CCDC171: variants seen among roughly 807,000 people sequenced by gnomAD.
CCDC171 encodes the protein coiled-coil domain containing 171.
CCDC171 carries 177 observed loss-of-function variants against 168.2 expected under a neutral mutation model. The ratio of observed to expected loss-of-function variants is 1.05; its 90% CI spans 0.93 to 1.19. The LOEUF (loss-of-function observed/expected upper bound fraction) is 1.19, where lower values mean the gene tolerates loss of function less well. Among genes scored for constraint, CCDC171 ranks in the 50% most tolerant of loss-of-function variants. CCDC171 has a pLI of 0.00. For synonymous variants in CCDC171, 687 were observed against 540.8 expected, an observed-to-expected ratio of 1.27 and a Z score of -3.75; for missense variants, 1,991 against 1,539.0, an observed-to-expected ratio of 1.29 and a Z score of -4.91.
intron 6 of CCDC171, among the ~76,000 whole-genome samples, chr9:16,026,239 A>AG (rs761735503): frequency 1.3e-5 from 2 of 152,288 alleles, no homozygotes; most frequent in East Asian, 3.9e-4. Context: ...CACCAGAGCC[A>AG]GGGTCTCAAC....
intron 24 of CCDC171, among the ~76,000 whole-genome samples, chr9:15,905,407 T>C (rs1041404969): frequency 7.9e-5 from 12 of 152,126 alleles, no homozygotes; most frequent in African/African-American, 2.9e-4. Flanking sequence ...CTGAACAACC[T>C]GCTCCTGAAT....
intron 1 of CCDC171, among the ~76,000 whole-genome samples, chr9:15,561,958 A>G (rs1239297001): frequency 6.6e-6 from 1 of 151,882 alleles, no homozygotes; most frequent in Non-Finnish European, 1.5e-5. Flanking sequence ...GTTCTTTGCC[A>G]TGTGGCTTCT....
At chr9:15,913,539 C>T (rs545306905) in intron 24 of CCDC171, among the ~76,000 whole-genome samples, 68 of 151,984 alleles carry the variant, frequency 4.5e-4, no homozygotes, top group African/African-American at 1.6e-3. Flanking sequence ...TCAGTTCTGC[C>T]GTGATTTTAC....
chr9:15,902,638 A>T (rs561358083), intron 24 of CCDC171, among the ~76,000 whole-genome samples: 2 of 152,160 alleles, frequency 1.3e-5, no homozygotes, highest in African/African-American at 4.8e-5. Flanking sequence ...CTGCATTTCC[A>T]ACTGAGGTAC....
chr9:15,716,401 A>G (rs1017918503), intron 11 of CCDC171, among the ~76,000 whole-genome samples: 5 of 152,154 alleles, frequency 3.3e-5, no homozygotes, highest in Non-Finnish European at 5.9e-5. Flanking sequence ...TGCAGTGATT[A>G]AAAGATTATT....
chr9:16,031,327 A>T (rs1218453138), intron 6 of CCDC171, among the ~76,000 whole-genome samples: 1 of 152,226 alleles, frequency 6.6e-6, no homozygotes, highest in Non-Finnish European at 1.5e-5. Context: ...TAGCATAGGA[A>T]ATTTTTAGTG....
chr9:15,733,032 T>G (rs1314656627), intron 16 of CCDC171, among the ~76,000 whole-genome samples: 2 of 152,190 alleles, frequency 1.3e-5, no homozygotes, highest in Non-Finnish European at 2.9e-5. Flanking sequence ...GCCATGTCAT[T>G]GTGATTTCGA....
intron 3 of CCDC171, among the ~76,000 whole-genome samples, chr9:15,994,371 G>A (rs527448358): frequency 7.2e-4 from 109 of 152,282 alleles, no homozygotes; most frequent in African/African-American, 2.5e-3. Flanking sequence ...TCACTCATAG[G>A]TGGGAATTGA....
chr9:15,772,117 A>G (rs887931414), intron 18 of CCDC171, among the ~76,000 whole-genome samples: 47 of 152,314 alleles, frequency 3.1e-4, no homozygotes, highest in African/African-American at 9.9e-4. Context: ...TACAGGCATA[A>G]TTCACCACGC....
intron 6 of CCDC171, among the ~76,000 whole-genome samples, chr9:15,614,660 G>A (rs1308021574): frequency 6.6e-6 from 1 of 152,070 alleles, no homozygotes; most frequent in Non-Finnish European, 1.5e-5. Context: ...ATTTCTCTTA[G>A]GTTGCCCCTC....
downstream of CCDC171, among the ~76,000 whole-genome samples, chr9:15,974,669 G>T (rs1831567343): frequency 6.6e-6 from 1 of 152,090 alleles, no homozygotes; most frequent in South Asian, 2.1e-4. Flanking sequence ...AAACAAAGAG[G>T]TTTAGGATTG....
chr9:15,614,666 C>T (rs1323117386), intron 6 of CCDC171, among the ~76,000 whole-genome samples: 3 of 151,976 alleles, frequency 2.0e-5, no homozygotes, highest in African/African-American at 7.3e-5. Flanking sequence ...CTTAGGTTGC[C>T]CCTCCCCCTT....
chr9:15,582,119 A>T (rs968770825), intron 4 of CCDC171, among the ~76,000 whole-genome samples: 1 of 152,368 alleles, frequency 6.6e-6, no homozygotes, highest in East Asian at 1.9e-4. Flanking sequence ...TGGGCAAAGG[A>T]TATGAACAGA....
chr9:15,592,113 A>C (rs960158947), intron 5 of CCDC171, among the ~76,000 whole-genome samples: 1 of 151,714 alleles, frequency 6.6e-6, no homozygotes, highest in South Asian at 2.1e-4. Context: ...GTAGATTTTG[A>C]GTTGTCTATA....
intron 18 of CCDC171, among the ~76,000 whole-genome samples, chr9:15,753,439 T>C (rs1308795208): frequency 6.6e-6 from 1 of 152,174 alleles, no homozygotes; most frequent in East Asian, 1.9e-4. Flanking sequence ...ATATTTTCCA[T>C]TATTCATATC....
chr9:15,845,260 G>T (rs1215868459), intron 21 of CCDC171, among the ~76,000 whole-genome samples: 1 of 151,962 alleles, frequency 6.6e-6, no homozygotes, highest in Non-Finnish European at 1.5e-5. Context: ...TTTAAAGTTG[G>T]TTTGAATCAG....
At position 15,655,272 on chromosome 9, in the gene CCDC171, C is replaced by A. The variant is rs562618423; in HGVS notation, c.823-1855C>A. 1.4e-3 allele frequency among the ~76,000 whole-genome samples: 219 copies of A among 151,974 alleles called. 1 individual carries two copies. The highest frequency in any genetic ancestry group is 5.1e-3 in the African/African-American group (213 of 41,428). ...CCAAATTTCATCTAGGAAGGGAAAT[C>A]AAATTAGTAATGCCTTTTTCTGTCC... On this transcript the variant is annotated intron_variant, in intron 7 of 25. Transcript: ENST00000380701.
the CCDC171 span, among the ~76,000 whole-genome samples, chr9:16,088,986 C>T: frequency 6.6e-6 from 1 of 152,152 alleles, no homozygotes; most frequent in Non-Finnish European, 1.5e-5. Flanking sequence ...GTAACCAAAA[C>T]AGCATGGTAC....
chr9:15,686,431 C>T (rs1454194270), intron 10 of CCDC171, among the ~76,000 whole-genome samples: 1 of 151,786 alleles, frequency 6.6e-6, no homozygotes, highest in Non-Finnish European at 1.5e-5. Context: ...GGGAGAATGG[C>T]GTGAACCCGG....
Sources: gnomAD v4.1 joint callset for allele counts (sites outside exome capture counted in the v4.1 genomes callset) on GRCh38, gnomAD v4.1.1 for gene constraint, MANE v1.5 for transcripts, NCBI Gene and HGNC (gene_info 2026-07-23, HGNC 2026-07-21) for gene names.